Variants in STK33 observed in about 807,000 individuals in gnomAD.
STK33 encodes serine/threonine-protein kinase 33.
In STK33, 52 loss-of-function variants were observed where a neutral mutation model predicts 58.0. The ratio of observed to expected loss-of-function variants is 0.90; its 90% CI spans 0.72 to 1.13. The LOEUF (loss-of-function observed/expected upper bound fraction) is 1.13. Among genes scored for constraint, STK33 ranks in the 50% most tolerant of loss-of-function variants. The pLI, the probability that STK33 is intolerant of heterozygous loss-of-function variation, is 0.00. For synonymous variants in STK33, 215 were observed against 200.1 expected, an observed-to-expected ratio of 1.07 and a Z score of -0.63; for missense variants, 630 against 604.2, an observed-to-expected ratio of 1.04 and a Z score of -0.45.
chr11:8,574,573 T>C (rs1958046870), intron 1 of STK33, among the ~76,000 whole-genome samples: 1 of 152,184 alleles, frequency 6.6e-6, no homozygotes, highest in Non-Finnish European at 1.5e-5. Flanking sequence ...ATACCAATTC[T>C]ATACAAATTC....
intron 15 of STK33, among the ~76,000 whole-genome samples, chr11:8,399,206 C>T (rs148864654): frequency 0.022 from 3,403 of 152,200 alleles, 75 homozygotes; most frequent in Admixed American, 0.045. Context: ...AAATTGACCC[C>T]GTAGTTGGAA....
At chr11:8,338,329 A>C in the STK33 span, among the ~76,000 whole-genome samples, 1 of 152,198 alleles carries the variant, frequency 6.6e-6, no homozygotes, top group African/African-American at 2.4e-5. Context: ...AAAAGGATCC[A>C]GACATTCCCC....
intron 2 of STK33, among the ~76,000 whole-genome samples, chr11:8,479,101 C>A (rs1163370658): frequency 6.6e-6 from 1 of 152,138 alleles, no homozygotes; most frequent in African/African-American, 2.4e-5. Context: ...TTAAATGTGG[C>A]CCCTATACTG....
intron 14 of STK33, among the ~76,000 whole-genome samples, chr11:8,415,086 T>A (rs1034376815): frequency 6.6e-6 from 1 of 152,052 alleles, no homozygotes; most frequent in Admixed American, 6.6e-5. Context: ...CTCTCCTCTC[T>A]TACAACTTCT....
At chr11:8,413,763 C>A in intron 14 of STK33, 71 bp from the exon 15 acceptor site, 1 of 1,357,518 alleles carries the variant, frequency 7.4e-7, no homozygotes. Flanking sequence ...CATCATTTAG[C>A]GAGACAGTCT....
chr11:8,441,434 C>G (rs147459530), intron 11 of STK33, among the ~76,000 whole-genome samples: 2 of 152,118 alleles, frequency 1.3e-5, no homozygotes, highest in African/African-American at 4.8e-5. Flanking sequence ...TCACTGCAGC[C>G]TCAAACTACT....
chr11:8,337,959 C>T, the STK33 span, among the ~76,000 whole-genome samples: 1 of 152,140 alleles, frequency 6.6e-6, no homozygotes, highest in African/African-American at 2.4e-5. Flanking sequence ...TCCGTGCTGC[C>T]CCCACCGCCA....
chr11:8,422,388 A>G (rs1413529981), intron 14 of STK33, among the ~76,000 whole-genome samples: 3 of 152,176 alleles, frequency 2.0e-5, no homozygotes, highest in Admixed American at 2.0e-4. Flanking sequence ...TTTTATATCT[A>G]TATTAGTAAG....
chr11:8,505,151 T>C (rs890111167), intron 1 of STK33, among the ~76,000 whole-genome samples: 1 of 152,238 alleles, frequency 6.6e-6, no homozygotes, highest in Non-Finnish European at 1.5e-5. Flanking sequence ...AGTCTGTTTT[T>C]CCTCTGGAAT....
chr11:8,336,762 T>G, the STK33 span, among the ~76,000 whole-genome samples: 1 of 152,246 alleles, frequency 6.6e-6, no homozygotes, highest in African/African-American at 2.4e-5. Flanking sequence ...GAGTTCTGCC[T>G]GCCACAACCT....
intron 1 of STK33, among the ~76,000 whole-genome samples, chr11:8,576,813 C>G (rs1958218963): frequency 6.6e-6 from 1 of 152,100 alleles, no homozygotes; most frequent in South Asian, 2.1e-4. Flanking sequence ...GCTAACATGC[C>G]AAACTCCTAA....
intron 1 of STK33, among the ~76,000 whole-genome samples, chr11:8,550,036 A>C (rs1351098616): frequency 6.6e-6 from 1 of 152,242 alleles, no homozygotes; most frequent in African/African-American, 2.4e-5. Flanking sequence ...TATTTCCATA[A>C]TTACAAATCT....
Position 8,465,434 on chromosome 11 carries a change from C to G in STK33, c.340-612G>C, listed in dbSNP as rs544294272. 2.6e-5 allele frequency: 4 copies of G among 152,216 alleles called. No homozygotes were observed. In the South Asian group the frequency reaches 8.3e-4, roughly 32 times the overall value. The allele number at this position is 152,216 out of a possible 1,614,324, so 9.4% of individuals were successfully genotyped here. ...TAAAACCATCATCCAAACCAAGAAT[C>G]CATCCTCTTATCATTTAACTTCTGC... is the stretch of plus-strand genomic sequence containing the variant. On this transcript the variant is annotated intron_variant, in intron 6 of 15. Transcript: ENST00000687296.
At chr11:8,549,819 T>C (rs984884960) in intron 1 of STK33, among the ~76,000 whole-genome samples, 3 of 152,210 alleles carry the variant, frequency 2.0e-5, no homozygotes, top group Admixed American at 2.0e-4. Context: ...TGGTTATCAG[T>C]TGTAACGTTT....
intron 1 of STK33, among the ~76,000 whole-genome samples, chr11:8,499,592 A>C (rs1951347428): frequency 6.6e-6 from 1 of 152,206 alleles, no homozygotes; most frequent in Non-Finnish European, 1.5e-5. Flanking sequence ...AAGGATTATA[A>C]ATCACGCTAC....
chr11:8,412,955 C>A (rs1021129260), intron 15 of STK33, among the ~76,000 whole-genome samples: 1 of 151,938 alleles, frequency 6.6e-6, no homozygotes, highest in Non-Finnish European at 1.5e-5. Context: ...AAATAATAAA[C>A]CTATATAAAA....
chr11:8,582,586 C>T (rs1296768275), intron 1 of STK33, among the ~76,000 whole-genome samples: 1 of 152,140 alleles, frequency 6.6e-6, no homozygotes, highest in Non-Finnish European at 1.5e-5. Context: ...GAAACTGTCA[C>T]CATGATTCAA....
chr11:8,478,123 A>G (rs1194307971), intron 2 of STK33, among the ~76,000 whole-genome samples: 2 of 152,166 alleles, frequency 1.3e-5, no homozygotes, highest in Non-Finnish European at 2.9e-5. Context: ...TCATTTACGA[A>G]TTGATCTGAA....
At chr11:8,493,743 T>A (rs867602549) in intron 1 of STK33, among the ~76,000 whole-genome samples, 8 of 152,278 alleles carry the variant, frequency 5.3e-5, no homozygotes, top group African/African-American at 1.2e-4. Context: ...AAAAAGTTTA[T>A]CCACCACGAT....
Sources: allele counts gnomAD v4.1 joint callset (sites outside exome capture counted in the v4.1 genomes callset), GRCh38; gene constraint gnomAD v4.1.1; transcripts MANE v1.5; gene names NCBI Gene and HGNC (gene_info 2026-07-23, HGNC 2026-07-21).